The following NPAS3 variants were observed in gnomAD, a reference collection of about 807,000 sequenced individuals.
The protein encoded by NPAS3 is neuronal PAS domain protein 3, also known as neuronal PAS domain-containing protein 3.
NPAS3 carries 14 observed loss-of-function variants against 73.1 expected under a neutral mutation model. That is an observed-to-expected ratio of 0.19 (90% CI 0.13 to 0.30). The LOEUF (loss-of-function observed/expected upper bound fraction) is 0.30, where lower values mean the gene tolerates loss of function less well. Among genes scored for constraint, NPAS3 ranks in the 10% least tolerant of loss-of-function variants. The probability of loss-of-function intolerance (pLI) is 1.00; values close to 1 mark genes in which losing one functional copy is unlikely to be tolerated. For missense variants in NPAS3, 1,096 were observed against 1,250.0 expected, an observed-to-expected ratio of 0.88 and a Z score of 1.86; for synonymous variants, 620 against 541.5, an observed-to-expected ratio of 1.14 and a Z score of -2.01.
At chr14:33,473,799 A>G (rs921402172) in intron 4 of NPAS3, among the ~76,000 whole-genome samples, 2 of 152,206 alleles carry the variant, frequency 1.3e-5, no homozygotes, top group African/African-American at 4.8e-5. Flanking sequence ...TTTTGTAAAG[A>G]AAGTTTTATG....
chr14:33,542,290 G>A (rs774915179), intron 4 of NPAS3, among the ~76,000 whole-genome samples: 7 of 152,154 alleles, frequency 4.6e-5, no homozygotes, highest in Non-Finnish European at 5.9e-5. Flanking sequence ...TGTCAAACCA[G>A]GAGGCAACAC....
rs143200843 is a variant in NPAS3 at position 33,671,612 on chromosome 14, ATTAT to A, written c.559-4593_559-4590del. ...AAACAAAATGCTGTTTCTGGATGTGATTATTTATTACTTGTTGCCTATCTATCTG... is the reference window on the plus strand; with the variant it reads ...AAACAAAATGCTGTTTCTGGATGTGATTATTACTTGTTGCCTATCTATCTG... On this transcript the variant is annotated intron_variant, in intron 5 of 11. Transcript: ENST00000356141. Among the ~76,000 whole-genome samples, 978 of 152,276 alleles carry A rather than the reference ATTAT, an allele frequency of 6.4e-3. 14 individuals are homozygous for A. Among genetic ancestry groups the A allele is most frequent in the African/African-American group, 0.022 (934 of 41,548 alleles).
intron 9 of NPAS3, among the ~76,000 whole-genome samples, chr14:33,782,399 C>A (rs565223850): frequency 6.6e-6 from 1 of 152,222 alleles, no homozygotes; most frequent in East Asian, 1.9e-4. Flanking sequence ...TGTAGCCCCC[C>A]AAAAATGGAG....
intron 4 of NPAS3, among the ~76,000 whole-genome samples, chr14:33,404,857 C>T (rs962100637): frequency 2.6e-5 from 4 of 152,216 alleles, no homozygotes; most frequent in Middle Eastern, 3.4e-3. Context: ...GGAGTTCTAA[C>T]GCCCAGATCT....
chr14:33,101,479 C>T (rs747410591), intron 2 of NPAS3, among the ~76,000 whole-genome samples: 4 of 151,982 alleles, frequency 2.6e-5, no homozygotes, highest in Non-Finnish European at 5.9e-5. Flanking sequence ...GTACATGTAG[C>T]GATTGAAAAA....
chr14:33,622,644 T>C (rs2058107844), intron 5 of NPAS3, among the ~76,000 whole-genome samples: 1 of 152,224 alleles, frequency 6.6e-6, no homozygotes, highest in Non-Finnish European at 1.5e-5. Flanking sequence ...GCCTTAGTTA[T>C]TCCCATCCAG....
intron 11 of NPAS3, among the ~76,000 whole-genome samples, chr14:33,799,331 C>T (rs1265865238): frequency 2.0e-5 from 3 of 152,126 alleles, no homozygotes; most frequent in Non-Finnish European, 2.9e-5. Context: ...TGTGTCACAC[C>T]TTAATCCAGG....
intron 5 of NPAS3, among the ~76,000 whole-genome samples, chr14:33,570,639 G>A (rs1388156971): frequency 1.3e-5 from 2 of 152,146 alleles, no homozygotes; most frequent in African/African-American, 2.4e-5. Flanking sequence ...AGTAAATCAT[G>A]CAATTACTGG....
intron 2 of NPAS3, among the ~76,000 whole-genome samples, chr14:33,139,943 A>AT (rs34900907): frequency 0.59 from 88,514 of 150,072 alleles, 26,778 homozygotes; most frequent in East Asian, 0.73. Flanking sequence ...TGCCTGCATG[A>AT]TTTTTTTTTT....
chr14:33,552,668 A>T (rs1595140294), intron 4 of NPAS3, among the ~76,000 whole-genome samples: 2 of 151,062 alleles, frequency 1.3e-5, no homozygotes, highest in Admixed American at 6.6e-5. Context: ...CTTTTCTTTC[A>T]GTTGTTTTTT....
chr14:33,709,397 T>C lies in NPAS3; in HGVS notation c.734-25817T>C, dbSNP rs79721964. Among the ~76,000 whole-genome samples, 8 of 152,312 alleles carry C rather than the reference T, an allele frequency of 5.3e-5. No individual in the cohort carries two copies. The East Asian group carries it at 1.5e-3, about 29-fold the overall frequency. The stretch of plus-strand genomic sequence containing the variant: ...AGGAGAGGCAGAAGTGAATTCATAC[T>C]CTCTGCTACTTCCCGCCCCCATTCT... On this transcript the variant is annotated intron_variant, in intron 6 of 11. Coordinates refer to ENST00000356141, the Ensembl canonical transcript of NPAS3.
intron 3 of NPAS3, among the ~76,000 whole-genome samples, chr14:33,303,360 T>C (rs2042629656): frequency 1.3e-5 from 2 of 152,092 alleles, no homozygotes. Context: ...AAAAAATCTA[T>C]ATAACATTTG....
chr14:33,580,078 G>A lies in NPAS3; in HGVS notation c.558+19868G>A, dbSNP rs76470142. On this transcript the variant is annotated intron_variant, in intron 5 of 11. Coordinates refer to ENST00000356141, the Ensembl canonical transcript of NPAS3. ...AACCTTCCTACTGGGTAGTCTTGAA[G>A]CTACTGTCACAATGTTTATAGACTC... 3.2e-3 allele frequency among the ~76,000 whole-genome samples: 484 copies of A among 152,286 alleles called. 4 individuals carry two copies. Among genetic ancestry groups the A allele is most frequent in the African/African-American group, 0.011 (456 of 41,568 alleles).
intron 2 of NPAS3, among the ~76,000 whole-genome samples, chr14:33,090,515 A>C (rs1051516407): frequency 1.3e-5 from 2 of 152,242 alleles, no homozygotes; most frequent in Non-Finnish European, 2.9e-5. Context: ...TTAGAGACCT[A>C]CAAAGAGACT....
At chr14:33,292,035 A>G (rs540330594) in intron 3 of NPAS3, among the ~76,000 whole-genome samples, 1 of 152,310 alleles carries the variant, frequency 6.6e-6, no homozygotes, top group Admixed American at 6.5e-5. Context: ...ATTTCAGAAA[A>G]CAGTGTCAGT....
chr14:33,519,447 G>T (rs573882266), intron 4 of NPAS3, among the ~76,000 whole-genome samples: 2 of 151,926 alleles, frequency 1.3e-5, no homozygotes, highest in Non-Finnish European at 2.9e-5. Context: ...TCCAAGTCTC[G>T]CCAGCTTCCC....
intron 7 of NPAS3, among the ~76,000 whole-genome samples, chr14:33,764,180 T>C (rs1304184654): frequency 2.0e-5 from 3 of 152,220 alleles, no homozygotes; most frequent in African/African-American, 7.2e-5. Context: ...TCCGTGAGGC[T>C]GCCTTAACAT....
At chr14:33,193,410 C>T (rs2046240236) in intron 2 of NPAS3, among the ~76,000 whole-genome samples, 1 of 152,040 alleles carries the variant, frequency 6.6e-6, no homozygotes, top group African/African-American at 2.4e-5. Context: ...TATCAGTAAA[C>T]ACATACTCAG....
intron 6 of NPAS3, among the ~76,000 whole-genome samples, chr14:33,717,428 G>A (rs1249785815): frequency 6.6e-6 from 1 of 152,076 alleles, no homozygotes; most frequent in African/African-American, 2.4e-5. Context: ...CAGGGTGAAA[G>A]TGAATATTTC....
Sources: gnomAD v4.1 joint callset for allele counts (sites outside exome capture counted in the v4.1 genomes callset) on GRCh38, gnomAD v4.1.1 for gene constraint, MANE v1.5 for transcripts, NCBI Gene and HGNC (gene_info 2026-07-23, HGNC 2026-07-21) for gene names.